Variants in CAMTA1 observed in about 807,000 individuals in gnomAD.
The protein encoded by CAMTA1 is calmodulin binding transcription activator 1, also known as calmodulin-binding transcription activator 1.
CAMTA1 carries 27 observed loss-of-function variants against 170.9 expected under a neutral mutation model. That is an observed-to-expected ratio of 0.16 (90% CI 0.12 to 0.22). The LOEUF is 0.22. Among genes scored for constraint, CAMTA1 ranks in the 10% least tolerant of loss-of-function variants. The probability of loss-of-function intolerance (pLI) is 1.00; values close to 1 mark genes in which losing one functional copy is unlikely to be tolerated. For synonymous variants in CAMTA1, 833 were observed against 891.5 expected, an observed-to-expected ratio of 0.93 and a Z score of 1.17; for missense variants, 1,619 against 2,217.2, an observed-to-expected ratio of 0.73 and a Z score of 5.42.
chr1:7,758,808 G>T (rs1294630333), intron 22 of CAMTA1, among the ~76,000 whole-genome samples: 3 of 151,834 alleles, frequency 2.0e-5, no homozygotes, highest in Non-Finnish European at 2.9e-5. Context: ...GGTGGCGGGC[G>T]CCTGTAGTCC....
intron 5 of CAMTA1, among the ~76,000 whole-genome samples, chr1:7,291,763 G>A (rs1673172910): frequency 2.0e-5 from 3 of 152,232 alleles, no homozygotes; most frequent in Non-Finnish European, 4.4e-5. Flanking sequence ...CTCCATTGGC[G>A]GCATTGCCCT....
chr1:6,888,134 C>G (rs577326898), intron 3 of CAMTA1: 21 of 982,204 alleles, frequency 2.1e-5, no homozygotes, highest in Middle Eastern at 5.0e-4. Flanking sequence ...TGTCTTGTCC[C>G]CTTGTATCTT....
chr1:7,581,995 C>T (rs1445123476), intron 6 of CAMTA1, among the ~76,000 whole-genome samples: 2 of 152,192 alleles, frequency 1.3e-5, no homozygotes, highest in African/African-American at 4.8e-5. Flanking sequence ...AAGCTCTCTC[C>T]GTCTTCTTGT....
rs539076715 is a variant in CAMTA1, at chr1:6,912,841, C to T, written c.234+87631C>T. 5.3e-5 allele frequency among the ~76,000 whole-genome samples: 8 copies of T among 152,334 alleles called. No homozygotes were observed. In the South Asian group the frequency reaches 6.2e-4, roughly 12 times the overall value. ...TCACTGAATCCTCCCACTACCCAGT[C>T]GGCAGCTGGGAGTTGTTTCTGTTTC... On this transcript the variant is annotated intron_variant, in intron 3 of 22. Coordinates refer to ENST00000303635, the MANE Select transcript of CAMTA1 (RefSeq NM_015215.4).
chr1:7,295,110 C>T lies in CAMTA1; in HGVS notation c.438+45484C>T, dbSNP rs139397831. On this transcript the variant is annotated intron_variant, in intron 5 of 22. Transcript: ENST00000303635. Reference sequence around the variant, plus strand: ...CAAATACTGACTCCACCTTCACTTACATCTGACTCGGGCAGTTATGTAACC... The same window carrying T: ...CAAATACTGACTCCACCTTCACTTATATCTGACTCGGGCAGTTATGTAACC... 4.4e-3 allele frequency among the ~76,000 whole-genome samples: 675 copies of T among 152,358 alleles called. 8 individuals are homozygous for T. The highest frequency in any genetic ancestry group is 0.024 in the Admixed American group (369 of 15,308).
At chr1:6,984,485 G>A (rs893182498) in intron 3 of CAMTA1, among the ~76,000 whole-genome samples, 5 of 151,988 alleles carry the variant, frequency 3.3e-5, no homozygotes, top group Non-Finnish European at 7.4e-5. Context: ...GGGGTGGTGC[G>A]GGGCTGAAAT....
chr1:7,142,166 A>T (rs769434629), intron 4 of CAMTA1: 1 of 518,296 alleles, frequency 1.9e-6, no homozygotes, highest in African/African-American at 1.9e-5. Flanking sequence ...CTCTACTGCC[A>T]GCACCCTCCC....
At chr1:7,233,413 C>T (rs548186944) in intron 4 of CAMTA1, among the ~76,000 whole-genome samples, 7 of 152,274 alleles carry the variant, frequency 4.6e-5, no homozygotes, top group African/African-American at 1.4e-4. Context: ...AATGGCTGGT[C>T]CTCTTTCTTG....
chr1:7,740,001 A>G (rs1336551985), intron 16 of CAMTA1, among the ~76,000 whole-genome samples: 2 of 135,966 alleles, frequency 1.5e-5, no homozygotes, highest in South Asian at 2.4e-4. Flanking sequence ...TTCAACATGA[A>G]ATTTGGGTGG....
intron 5 of CAMTA1, among the ~76,000 whole-genome samples, chr1:7,304,791 A>G (rs1675331947): frequency 6.6e-6 from 1 of 151,934 alleles, no homozygotes; most frequent in African/African-American, 2.4e-5. Context: ...TCTATGATAT[A>G]TAGTAAATAA....
chr1:7,263,399 T>C lies in CAMTA1; in HGVS notation c.438+13773T>C, dbSNP rs562787866. 8.6e-4 allele frequency among the ~76,000 whole-genome samples: 131 copies of C among 152,328 alleles called. No homozygotes were observed. The Middle Eastern group carries it at 0.031, about 36-fold the overall frequency. On this transcript the variant is annotated intron_variant, in intron 5 of 22. Transcript: ENST00000303635. ...AGGGAGAGCAATTGTTACACTTACT[T>C]TAACTGATATAATGCAAAGCAACGC...
chr1:7,104,074 CAG>C (rs963097744), intron 4 of CAMTA1, among the ~76,000 whole-genome samples: 3 of 151,290 alleles, frequency 2.0e-5, no homozygotes, highest in Non-Finnish European at 4.4e-5. Flanking sequence ...ACACACTACA[CAG>C]ATGTACACAC....
At chr1:7,597,766 T>G (rs945461875) in intron 6 of CAMTA1, among the ~76,000 whole-genome samples, 1 of 152,178 alleles carries the variant, frequency 6.6e-6, no homozygotes, top group Non-Finnish European at 1.5e-5. Context: ...TGAGGCCCAC[T>G]GACATTATGG....
chr1:7,447,721 G>T (rs1161651818), intron 5 of CAMTA1, among the ~76,000 whole-genome samples: 1 of 152,112 alleles, frequency 6.6e-6, no homozygotes, highest in Non-Finnish European at 1.5e-5. Context: ...TGCTTTCACT[G>T]GCCCTGGAAG....
At chr1:6,819,776 C>A (rs189874390) in intron 1 of CAMTA1, among the ~76,000 whole-genome samples, 1 of 152,236 alleles carries the variant, frequency 6.6e-6, no homozygotes, top group Admixed American at 6.5e-5. Flanking sequence ...CATGTACTTC[C>A]TACAAACAAG....
intron 11 of CAMTA1, among the ~76,000 whole-genome samples, chr1:7,704,421 G>A (rs1388632681): frequency 1.4e-5 from 2 of 146,316 alleles, no homozygotes; most frequent in East Asian, 3.9e-4. Flanking sequence ...GCGCTGAGCC[G>A]GGCGGGCGGA....
rs372537435 is a variant in CAMTA1, at chr1:7,677,660, G to C, written c.2841G>C (p.Ser947=). ...VAFNNQIISN[S]VVFEYKARAL... is the part of the protein sequence containing the mutation. Reference sequence around the variant, plus strand: ...TCAACAACCAGATCATCTCCAACTCGGTGGTGTTTGAGTACAAAGCCCGGG... The same window carrying C: ...TCAACAACCAGATCATCTCCAACTCCGTGGTGTTTGAGTACAAAGCCCGGG... The change falls in exon 11 of 23, where the codon TCG becomes TCC. Residue 947 remains serine (S), a synonymous_variant. Coordinates refer to ENST00000303635, the MANE Select transcript of CAMTA1 (RefSeq NM_015215.4). 1.2e-6 allele frequency: 2 copies of C among 1,614,110 alleles called. No homozygotes were observed. Among genetic ancestry groups the C allele is most frequent in the Admixed American group, 1.7e-5 (1 of 60,030 alleles).
chr1:6,907,058 T>C (rs1250619998), intron 3 of CAMTA1, among the ~76,000 whole-genome samples: 2 of 152,196 alleles, frequency 1.3e-5, no homozygotes, highest in Non-Finnish European at 2.9e-5. Flanking sequence ...ATCTTCGGGA[T>C]AGGCAGGCAT....
At chr1:7,390,586 C>T (rs2088588232) in intron 5 of CAMTA1, among the ~76,000 whole-genome samples, 1 of 152,240 alleles carries the variant, frequency 6.6e-6, no homozygotes, top group South Asian at 2.1e-4. Context: ...CTAGTAGTGC[C>T]TGTGGCAGTA....
Sources: allele counts gnomAD v4.1 joint callset (sites outside exome capture counted in the v4.1 genomes callset), GRCh38; gene constraint gnomAD v4.1.1; transcripts MANE v1.5; gene names NCBI Gene and HGNC (gene_info 2026-07-23, HGNC 2026-07-21).